The following DAGLA variants were observed in gnomAD, a reference collection of about 807,000 sequenced individuals.
DAGLA encodes diacylglycerol lipase alpha.
In DAGLA, 22 loss-of-function variants were observed where a neutral mutation model predicts 102.6. That is an observed-to-expected ratio of 0.21 (90% CI 0.15 to 0.31). DAGLA has a LOEUF of 0.31. Ranked by LOEUF, DAGLA falls within the 10% of genes least tolerant of loss-of-function variation. DAGLA has a pLI of 1.00. For missense variants in DAGLA, 927 were observed against 1,446.6 expected, an observed-to-expected ratio of 0.64 and a Z score of 5.83; for synonymous variants, 578 against 628.9, an observed-to-expected ratio of 0.92 and a Z score of 1.21.
Position 61,745,342 on chromosome 11 carries a change from GCACTGAGAGCCCCCTTC to G in DAGLA, c.*855_*871del. 6.6e-6 allele frequency: 1 copy of G among 152,522 alleles called. No homozygotes were observed. The highest frequency in any genetic ancestry group is 2.1e-4 in the South Asian group (1 of 4,836). The allele number at this position is 152,522 out of a possible 1,614,324, so 9.4% of individuals were successfully genotyped here. ...AGTCAGTGCCCTGGGTGGAAGGAAG[GCACTGAGAGCCCCCTTC>G]CTCTGAGGGCCCCACCTCACCCCTT... On this transcript the variant is annotated 3_prime_UTR_variant, in exon 20 of 20. Coordinates refer to ENST00000257215, the MANE Select transcript of DAGLA (RefSeq NM_006133.3).
chr11:61,746,226 T>TC lies in DAGLA; in HGVS notation c.*1738dup, dbSNP rs1203378810. ...GAGGGAGCTGGGCCTCCCCTCATCCTCTGTAACTCCCGCCTTCACCAGACT... is the reference window on the plus strand; with the variant it reads ...GAGGGAGCTGGGCCTCCCCTCATCCTCCTGTAACTCCCGCCTTCACCAGACT... On this transcript the variant is annotated 3_prime_UTR_variant, in exon 20 of 20. Transcript: ENST00000257215. 2.6e-5 allele frequency: 4 copies of TC among 152,396 alleles called. No homozygotes were observed. The highest frequency in any genetic ancestry group is 9.6e-5 in the African/African-American group (4 of 41,530). 9.4% of individuals were successfully genotyped at this position (152,396 alleles called of 1,614,324 possible).
At chr11:61,739,788 G>A in intron 17 of DAGLA, 127 bp downstream of exon 17, 1 of 978,932 alleles carries the variant, frequency 1.0e-6, no homozygotes, top group Non-Finnish European at 1.5e-6. Flanking sequence ...GATGGCCCAG[G>A]GCCTCCATGG....
intron 1 of DAGLA, among the ~76,000 whole-genome samples, chr11:61,687,146 C>T (rs1390694823): frequency 6.6e-6 from 1 of 152,228 alleles, no homozygotes; most frequent in African/African-American, 2.4e-5. Flanking sequence ...ATCCCTCCAA[C>T]CTCCATCTTA....
At chr11:61,693,810 C>G (rs1399323606) in intron 1 of DAGLA, among the ~76,000 whole-genome samples, 10 of 152,236 alleles carry the variant, frequency 6.6e-5, no homozygotes, top group Admixed American at 6.5e-4. Flanking sequence ...CAGGGTATGG[C>G]TGATGATCCC....
At chr11:61,721,041 A>G (rs1186493522) in intron 3 of DAGLA, 151 bp downstream of exon 3, 1 of 744,224 alleles carries the variant, frequency 1.3e-6, no homozygotes, top group East Asian at 2.7e-5. Context: ...CTTACATTCT[A>G]GACTAGGGGC....
intron 5 of DAGLA, 141 bp downstream of exon 5, chr11:61,723,713 C>G: frequency 3.0e-6 from 3 of 997,584 alleles, no homozygotes; most frequent in Non-Finnish European, 4.4e-6. Flanking sequence ...AGTCAAAGGG[C>G]TTAACTGCTC....
At chr11:61,714,528 C>T (rs565570454) in intron 1 of DAGLA, among the ~76,000 whole-genome samples, 29 of 152,326 alleles carry the variant, frequency 1.9e-4, no homozygotes, top group African/African-American at 6.7e-4. Flanking sequence ...TCTTCAAGAT[C>T]GTGAAAGAGA....
intron 1 of DAGLA, among the ~76,000 whole-genome samples, chr11:61,690,798 A>C (rs2065017355): frequency 6.6e-6 from 1 of 152,168 alleles, no homozygotes. Context: ...CGCCCACAAA[A>C]GGAAGGCCCC....
intron 1 of DAGLA, among the ~76,000 whole-genome samples, chr11:61,705,236 C>T (rs974075538): frequency 2.0e-5 from 3 of 152,224 alleles, no homozygotes; most frequent in African/African-American, 7.2e-5. Flanking sequence ...AGTGTTACAG[C>T]GAGCAGTAAA....
In DAGLA at chr11:61,723,097, A is replaced by G. The variant is rs1591042949; in HGVS notation, c.409+137A>G. Reference sequence around the variant, plus strand: ...GGGGCACCAGCAGGTTGGCTGGGCGAGACTGCTTCCCTCACCCTTGAGGCC... The same window carrying G: ...GGGGCACCAGCAGGTTGGCTGGGCGGGACTGCTTCCCTCACCCTTGAGGCC... On this transcript the variant is annotated intron_variant, in intron 4 of 19. Coordinates refer to ENST00000257215, the MANE Select transcript of DAGLA (RefSeq NM_006133.3). 4.6e-5 allele frequency: 35 copies of G among 757,256 alleles called. No individual in the cohort carries two copies. The South Asian group carries it at 5.7e-4, about 12-fold the overall frequency. 46.9% of individuals were successfully genotyped at this position (757,256 alleles called of 1,614,324 possible). A position where few individuals can be genotyped will look rare whatever the true frequency, so the allele number is the denominator to read the frequency against.
chr11:61,730,458 AC>A (rs2065363985), intron 8 of DAGLA, among the ~76,000 whole-genome samples: 1 of 151,840 alleles, frequency 6.6e-6, no homozygotes, highest in African/African-American at 2.4e-5. Context: ...GGATGTTTCC[AC>A]CCCTCCGGGC....
chr11:61,699,436 C>T (rs1004025691), intron 1 of DAGLA, among the ~76,000 whole-genome samples: 1 of 152,218 alleles, frequency 6.6e-6, no homozygotes, highest in Non-Finnish European at 1.5e-5. Flanking sequence ...TGAGCACCCA[C>T]ATATCCAGAC....
At chr11:61,724,332 T>C (rs532608552) in intron 5 of DAGLA, among the ~76,000 whole-genome samples, 1 of 152,306 alleles carries the variant, frequency 6.6e-6, no homozygotes, top group Non-Finnish European at 1.5e-5. Context: ...CTACAGTGCA[T>C]TATGTAAGGA....
intron 12 of DAGLA, 28 bp downstream of exon 12, chr11:61,735,844 C>T (rs2065418423): frequency 3.2e-6 from 5 of 1,582,570 alleles, no homozygotes; most frequent in Non-Finnish European, 4.3e-6. Context: ...CCCCAGGGCC[C>T]CTGGGCTTCT....
At chr11:61,707,990 T>G (rs1330736434) in intron 1 of DAGLA, among the ~76,000 whole-genome samples, 1 of 145,614 alleles carries the variant, frequency 6.9e-6, no homozygotes, top group African/African-American at 2.8e-5. Context: ...AATTTATTTA[T>G]GTATTTATTT....
In DAGLA at chr11:61,684,321, T is replaced by C. The variant is rs1194359123; in HGVS notation, c.-45+3817T>C. On this transcript the variant is annotated intron_variant, in intron 1 of 19. Transcript: ENST00000257215. This position sits in a 1 kb window ranked among gnomAD's most constrained non-coding sequence, Gnocchi z 4.5. ...TGTGGTCAGAGGAAGATAAATCTTT[T>C]AGAACCGCGGAGCCCAGGACATTGC... 1.3e-5 allele frequency among the ~76,000 whole-genome samples: 2 copies of C among 152,202 alleles called. No individual in the cohort carries two copies. Among genetic ancestry groups the C allele is most frequent in the African/African-American group, 4.8e-5 (2 of 41,452 alleles).
At chr11:61,739,747 C>T (rs890705863) in intron 17 of DAGLA, 86 bp downstream of exon 17, 32 of 1,372,676 alleles carry the variant, frequency 2.3e-5, no homozygotes, top group Non-Finnish European at 2.7e-5. Context: ...GCTCAATCAC[C>T]GCTCGGGGCT....
intron 1 of DAGLA, among the ~76,000 whole-genome samples, chr11:61,698,577 C>T (rs1165016713): frequency 6.6e-6 from 1 of 152,230 alleles, no homozygotes; most frequent in Non-Finnish European, 1.5e-5. Context: ...TCGTACCCCA[C>T]CTGCTTCCCT....
At chr11:61,739,326 C>T (rs1478351098) in intron 16 of DAGLA, 139 bp from the exon 17 acceptor site, 19 of 842,034 alleles carry the variant, frequency 2.3e-5, no homozygotes, top group African/African-American at 3.4e-5. Context: ...ATGCTCTGGC[C>T]ACTGCCCTTC....
Sources: allele counts gnomAD v4.1 joint callset (sites outside exome capture counted in the v4.1 genomes callset), GRCh38; gene constraint gnomAD v4.1.1; non-coding constraint Gnocchi (gnomAD v3.1); transcripts MANE v1.5; gene names NCBI Gene and HGNC (gene_info 2026-07-23, HGNC 2026-07-21).